The following KLF13 variants were observed in gnomAD, a reference collection of about 807,000 sequenced individuals.
KLF13 encodes KLF transcription factor 13.
Under a neutral mutation model 16.7 loss-of-function variants are expected in KLF13, and 8 were observed. The ratio of observed to expected loss-of-function variants is 0.48; its 90% CI spans 0.28 to 0.87. The LOEUF (loss-of-function observed/expected upper bound fraction) is 0.87. Ranked by LOEUF, KLF13 falls within the 40% of genes least tolerant of loss-of-function variation. KLF13 has a pLI of 0.10. For synonymous variants in KLF13, 245 were observed against 208.4 expected (o/e 1.18, Z -1.51); for missense variants, 447 against 452.2 (o/e 0.99, Z 0.10).
At chr15:31,347,978 G>T (rs2039152098) in intron 1 of KLF13, among the ~76,000 whole-genome samples, 1 of 152,234 alleles carries the variant, frequency 6.6e-6, no homozygotes, top group Non-Finnish European at 1.5e-5. Flanking sequence ...AGGCTTCAGT[G>T]TCTCCAGCCT....
chr15:31,346,443 C>T (rs772651833), intron 1 of KLF13, among the ~76,000 whole-genome samples: 1 of 152,194 alleles, frequency 6.6e-6, no homozygotes, highest in Non-Finnish European at 1.5e-5. Context: ...TATTCAGCCA[C>T]CCTGGAGCTG....
chr15:31,383,901 C>T (rs1326117058), intron 1 of KLF13, among the ~76,000 whole-genome samples: 1 of 147,102 alleles, frequency 6.8e-6, no homozygotes, highest in African/African-American at 2.6e-5. Context: ...GACTCCGTCT[C>T]AAAAAATAAA....
At chr15:31,347,011 T>A (rs2039133369) in intron 1 of KLF13, among the ~76,000 whole-genome samples, 1 of 152,182 alleles carries the variant, frequency 6.6e-6, no homozygotes, top group Non-Finnish European at 1.5e-5. Context: ...TTCCCCTACC[T>A]GCTGGCTCTC....
chr15:31,333,955 G>C (rs56323816), intron 1 of KLF13, among the ~76,000 whole-genome samples: 8,669 of 152,154 alleles, frequency 0.057, 829 homozygotes, highest in African/African-American at 0.2. Context: ...CGCCTCATGG[G>C]GGGGGGAGGG....
At chr15:31,416,133 TAAAC>T (rs2040255666) in intron 1 of KLF13, among the ~76,000 whole-genome samples, 1 of 151,986 alleles carries the variant, frequency 6.6e-6, no homozygotes, top group Non-Finnish European at 1.5e-5. Flanking sequence ...ACACAAGAAA[TAAAC>T]AATCCGAATA....
chr15:31,421,367 A>G (rs2040320882), intron 1 of KLF13, among the ~76,000 whole-genome samples: 1 of 152,234 alleles, frequency 6.6e-6, no homozygotes, highest in African/African-American at 2.4e-5. Context: ...AAAGTACAGA[A>G]TTGTATAATA....
rs1278432616 is a variant in KLF13, at chr15:31,372,561, G to A, written c.*262G>A. ...AACCCCCTTTCTCAGGGATGGACAC[G>A]TTTCACGAGGTCAGTGAGGACACCC... On this transcript the variant is annotated 3_prime_UTR_variant, in exon 2 of 2. Transcript: ENST00000307145. 6 of 488,026 alleles carry A rather than the reference G, an allele frequency of 1.2e-5. No homozygotes were observed. Among genetic ancestry groups the A allele is most frequent in the African/African-American group, 4.1e-5 (2 of 49,346 alleles). The allele number at this position is 488,026 out of a possible 1,614,324, so 30.2% of individuals were successfully genotyped here.
chr15:31,422,487 G>C lies in KLF13; in HGVS notation n.118-12883G>C, dbSNP rs570107576. On this transcript the variant is annotated intron_variant and non_coding_transcript_variant, in intron 1 of 1. Transcript: ENST00000558225. ...ACTCACTCATTACCATGAGAATATG[G>C]GGGAAACCATCCCCATGATCAAATT... Among the ~76,000 whole-genome samples, 3 of 141,958 alleles carry C rather than the reference G, an allele frequency of 2.1e-5. No homozygotes were observed. In the South Asian group the frequency reaches 7.3e-4, roughly 35 times the overall value. The allele number at this position is 141,958 out of a possible 152,430, so 93.1% of individuals were successfully genotyped here.
In KLF13 at chr15:31,417,627, C is replaced by G. The variant is rs533663757; in HGVS notation, n.118-17743C>G. Among the ~76,000 whole-genome samples, 102 of 152,006 alleles carry G rather than the reference C, an allele frequency of 6.7e-4. 1 individual carries two copies. In the South Asian group the frequency reaches 0.02, roughly 30 times the overall value. ...TGCGATCTCGGCTCACTGCAACCTC[C>G]ATCTCCCAGGTTCAAGGGATTCTCC... On this transcript the variant is annotated intron_variant and non_coding_transcript_variant, in intron 1 of 1. Transcript: ENST00000558225.
chr15:31,356,040 C>T (rs189806453), intron 1 of KLF13, among the ~76,000 whole-genome samples: 184 of 152,150 alleles, frequency 1.2e-3, no homozygotes, highest in African/African-American at 4.3e-3. Context: ...TTCCTTCTGA[C>T]TTTTATTTTA....
Position 31,420,818 on chromosome 15 carries a change from G to A in KLF13, n.118-14552G>A, listed in dbSNP as rs566349480. Among the ~76,000 whole-genome samples the A allele has an allele frequency of 1.7e-3, 259 of 151,258 alleles. 2 individuals carry two copies. In the Middle Eastern group the frequency reaches 0.017, roughly 10 times the overall value. On this transcript the variant is annotated intron_variant and non_coding_transcript_variant, in intron 1 of 1. Transcript: ENST00000558225. ...AACGATTCTCGTGCCTCAGCCTCCCGAGTAGCTGGGATTACAAGCACCTGC... is the reference window on the plus strand; with the variant it reads ...AACGATTCTCGTGCCTCAGCCTCCCAAGTAGCTGGGATTACAAGCACCTGC...
intron 2 of KLF13, among the ~76,000 whole-genome samples, chr15:31,393,916 C>T (rs2039913698): frequency 6.6e-6 from 1 of 152,130 alleles, no homozygotes; most frequent in South Asian, 2.1e-4. Context: ...GGTGGGGGGA[C>T]AGGCAGCGGC....
rs146206056 is a variant in KLF13, at chr15:31,364,376, C to T, written c.578-7634C>T. On this transcript the variant is annotated intron_variant, in intron 1 of 1. Coordinates refer to ENST00000307145, the MANE Select transcript of KLF13 (RefSeq NM_015995.4). Reference sequence around the variant, plus strand: ...TCTCCAGCCAGGCTTCAGCACCCTGCCAGCTCTTGCATGTGAAGAGTGGAT... The same window carrying T: ...TCTCCAGCCAGGCTTCAGCACCCTGTCAGCTCTTGCATGTGAAGAGTGGAT... Among the ~76,000 whole-genome samples the T allele has an allele frequency of 2.5e-4, 38 of 152,344 alleles. No homozygotes were observed. The East Asian group carries it at 6.0e-3, about 24-fold the overall frequency.
chr15:31,379,481 G>A (rs185959092), downstream of KLF13, among the ~76,000 whole-genome samples: 344 of 152,154 alleles, frequency 2.3e-3, no homozygotes, highest in African/African-American at 8.0e-3. Flanking sequence ...TCACTGCTGA[G>A]ATTTGAAACC....
Position 31,374,960 on chromosome 15 carries a change from T to A in KLF13, c.*2661T>A, listed in dbSNP as rs137921469. Reference sequence around the variant, plus strand: ...CTGTTCCGTCTGATAGATGGAAGGGTAACATTGCCTTAAAACAGAAATATG... The same window carrying A: ...CTGTTCCGTCTGATAGATGGAAGGGAAACATTGCCTTAAAACAGAAATATG... On this transcript the variant is annotated 3_prime_UTR_variant, in exon 2 of 2. Transcript: ENST00000307145. The A allele has an allele frequency of 6.6e-6, 1 of 152,574 alleles. No individual in the cohort carries two copies. Among genetic ancestry groups the A allele is most frequent in the African/African-American group, 2.4e-5 (1 of 41,440 alleles). 9.5% of individuals were successfully genotyped at this position (152,574 alleles called of 1,614,324 possible).
chr15:31,328,548 C>T (rs1048695810), intron 1 of KLF13, among the ~76,000 whole-genome samples: 3 of 151,848 alleles, frequency 2.0e-5, no homozygotes, highest in African/African-American at 2.4e-5. Flanking sequence ...TGGCCGCTGC[C>T]CATCCTCCGT....
chr15:31,391,518 CG>C (rs935295528), upstream of KLF13, among the ~76,000 whole-genome samples: 523 of 152,110 alleles, frequency 3.4e-3, 2 homozygotes, highest in Non-Finnish European at 6.1e-3. Flanking sequence ...GGCCCTGCAC[CG>C]GCCCAAGACA....
chr15:31,397,063 C>T (rs1420757128), intron 2 of KLF13, among the ~76,000 whole-genome samples: 2 of 152,068 alleles, frequency 1.3e-5, no homozygotes, highest in African/African-American at 4.8e-5. Flanking sequence ...TGTCCCTACC[C>T]TGAGCCCAGA....
rs2038728605 is a variant in KLF13, at chr15:31,327,313, G to A, written c.101G>A (p.Arg34Gln). ...GGGCCGCGGGAGGGGCCGGAGTCCC[G>A]GCCCGAGGGCGCGGCCGTGGCCGCC... ...VHGPREGPESRPEGAAVAATP... is the reference protein window; with the variant it reads ...VHGPREGPESQPEGAAVAATP... Residue 34 changes from arginine (R) to glutamine (Q), a missense_variant, in exon 1 of 2, where the codon CGG (arginine) becomes CAG (glutamine). Physicochemically the swap from Arg to Gln is conservative, Grantham distance 43. This residue lies in a region of KLF13 where 359 missense variants were observed against 282.8 expected (regional missense o/e 1.27). Coordinates refer to ENST00000307145, the MANE Select transcript of KLF13 (RefSeq NM_015995.4). The A allele has an allele frequency of 7.8e-7, 1 of 1,288,136 alleles. No homozygotes were observed. Among genetic ancestry groups the A allele is most frequent in the Non-Finnish European group, 9.8e-7 (1 of 1,021,996 alleles). 79.8% of individuals were successfully genotyped at this position (1,288,136 alleles called of 1,614,324 possible).
Sources: allele counts gnomAD v4.1 joint callset (sites outside exome capture counted in the v4.1 genomes callset), GRCh38; gene constraint gnomAD v4.1.1; regional missense constraint gnomAD v4.1.1; transcripts MANE v1.5; gene names NCBI Gene and HGNC (gene_info 2026-07-23, HGNC 2026-07-21).